C1QTNF3: variants seen among roughly 807,000 people sequenced by gnomAD.
C1QTNF3 encodes the protein complement C1q tumor necrosis factor-related protein 3.
Under a neutral mutation model 32.6 loss-of-function variants are expected in C1QTNF3, and 26 were observed. The observed-to-expected ratio is 0.80, with a 90% CI of 0.58 to 1.11. C1QTNF3 has a LOEUF of 1.11. Ranked by LOEUF, C1QTNF3 falls within the 50% of genes least tolerant of loss-of-function variation. The probability of loss-of-function intolerance (pLI) is 0.00; values close to 1 mark genes in which losing one functional copy is unlikely to be tolerated. For synonymous variants in C1QTNF3, 155 were observed against 146.0 expected (o/e 1.06, Z -0.44); for missense variants, 362 against 398.2 (o/e 0.91, Z 0.77).
chr5:34,147,330 G>A, the C1QTNF3 span, among the ~76,000 whole-genome samples: 4 of 152,146 alleles, frequency 2.6e-5, no homozygotes, highest in Non-Finnish European at 4.4e-5. Flanking sequence ...AGGAAACACA[G>A]ATCATTCTAC....
the C1QTNF3 span, among the ~76,000 whole-genome samples, chr5:34,203,397 T>C: frequency 6.6e-6 from 1 of 152,202 alleles, no homozygotes. Context: ...TATAGATTGA[T>C]AGATATTGGG....
the C1QTNF3 span, among the ~76,000 whole-genome samples, chr5:34,161,049 A>G: frequency 6.6e-6 from 1 of 152,208 alleles, no homozygotes; most frequent in Admixed American, 6.5e-5. Flanking sequence ...TCTGTCAGAC[A>G]AGGCCAATTC....
chr5:34,168,910 A>C, the C1QTNF3 span: 3 of 152,202 alleles, frequency 2.0e-5, no homozygotes, highest in Admixed American at 2.0e-4. Context: ...CCAATGCAAC[A>C]GTGGGAGGAG....
chr5:34,109,372 A>G, the C1QTNF3 span, among the ~76,000 whole-genome samples: 1 of 151,790 alleles, frequency 6.6e-6, no homozygotes, highest in African/African-American at 2.4e-5. Flanking sequence ...AAGGACAAAG[A>G]TCATGCATAG....
At chr5:34,208,611 G>C in the C1QTNF3 span, among the ~76,000 whole-genome samples, 1 of 151,596 alleles carries the variant, frequency 6.6e-6, no homozygotes, top group Non-Finnish European at 1.5e-5. Context: ...ATGTATTAAA[G>C]ACCTATAATT....
the C1QTNF3 span, among the ~76,000 whole-genome samples, chr5:34,129,646 C>A: frequency 4.0e-5 from 6 of 151,796 alleles, no homozygotes; most frequent in Non-Finnish European, 7.4e-5. Flanking sequence ...ATACAGATAC[C>A]TATAATATAT....
the C1QTNF3 span, among the ~76,000 whole-genome samples, chr5:34,239,751 CTG>C: frequency 1.3e-5 from 2 of 152,136 alleles, no homozygotes; most frequent in Non-Finnish European, 2.9e-5. Flanking sequence ...AAGAAAGAAA[CTG>C]TGTACTTAAA....
the C1QTNF3 span, among the ~76,000 whole-genome samples, chr5:34,115,592 G>A: frequency 6.6e-6 from 1 of 152,082 alleles, no homozygotes; most frequent in South Asian, 2.1e-4. Context: ...TTAGCTGGGC[G>A]TGGTGGCGAG....
the C1QTNF3 span, among the ~76,000 whole-genome samples, chr5:34,092,236 GT>G: frequency 5.8e-4 from 88 of 151,996 alleles, no homozygotes; most frequent in African/African-American, 2.1e-3. Flanking sequence ...AATATTTGAT[GT>G]AATGAGAGCA....
chr5:34,043,225 C>T (rs921603157), upstream of C1QTNF3: 3 of 1,289,404 alleles, frequency 2.3e-6, no homozygotes, highest in African/African-American at 1.5e-5. Flanking sequence ...AGAGCTGCAG[C>T]GGCGGAGTGG....
the C1QTNF3 span, among the ~76,000 whole-genome samples, chr5:34,061,414 C>T: frequency 6.6e-6 from 1 of 152,192 alleles, no homozygotes; most frequent in Non-Finnish European, 1.5e-5. Flanking sequence ...AAGCAGTGCC[C>T]CAGTAGGGAC....
chr5:34,073,355 G>A, the C1QTNF3 span, among the ~76,000 whole-genome samples: 1 of 151,896 alleles, frequency 6.6e-6, no homozygotes, highest in Non-Finnish European at 1.5e-5. Flanking sequence ...AATTGTATGT[G>A]TGTTAATGAA....
chr5:34,176,928 C>G, the C1QTNF3 span, among the ~76,000 whole-genome samples: 1 of 151,932 alleles, frequency 6.6e-6, no homozygotes, highest in African/African-American at 2.4e-5. Flanking sequence ...CATGGTAGCT[C>G]AGGTCTGTAA....
At chr5:34,022,068 G>C (rs570044926) in intron 5 of C1QTNF3, among the ~76,000 whole-genome samples, 3 of 152,322 alleles carry the variant, frequency 2.0e-5, no homozygotes, top group South Asian at 2.1e-4. Context: ...TGAGAGAAAG[G>C]CATGAAGACA....
In C1QTNF3 at chr5:34,033,290, C is replaced by G; in HGVS notation, c.570+14G>C. 2 of 1,612,878 alleles carry G rather than the reference C, an allele frequency of 1.2e-6. No homozygotes were observed. Among genetic ancestry groups the G allele is most frequent in the Non-Finnish European group, 1.7e-6 (2 of 1,179,682 alleles). The stretch of plus-strand genomic sequence containing the variant: ...GTTGGAAAGCCACCAGGAGATGTAC[C>G]GAGGATGGTTTACCTGAAGTTCTGG... On this transcript the variant is annotated intron_variant, in intron 3 of 5. Coordinates refer to ENST00000382065, the MANE Select transcript of C1QTNF3 (RefSeq NM_181435.6).
chr5:34,063,158 G>C, the C1QTNF3 span, among the ~76,000 whole-genome samples: 3 of 152,046 alleles, frequency 2.0e-5, no homozygotes, highest in Admixed American at 1.3e-4. Flanking sequence ...GTTTTAAATT[G>C]ATCCTGGATT....
At chr5:34,197,634 C>T in the C1QTNF3 span, among the ~76,000 whole-genome samples, 1 of 152,054 alleles carries the variant, frequency 6.6e-6, no homozygotes, top group Non-Finnish European at 1.5e-5. Context: ...GTGGTTCTGA[C>T]TCGAAGTCTC....
the C1QTNF3 span, among the ~76,000 whole-genome samples, chr5:34,107,781 C>T: frequency 6.6e-6 from 1 of 152,036 alleles, no homozygotes; most frequent in Non-Finnish European, 1.5e-5. Flanking sequence ...CAGTCAATTT[C>T]CTCCCAATAA....
At chr5:34,159,432 T>C in the C1QTNF3 span, among the ~76,000 whole-genome samples, 1 of 152,066 alleles carries the variant, frequency 6.6e-6, no homozygotes, top group Admixed American at 6.6e-5. Context: ...AAAATCATAA[T>C]GACCTCTAAA....
Sources: allele counts gnomAD v4.1 joint callset (sites outside exome capture counted in the v4.1 genomes callset), GRCh38; gene constraint gnomAD v4.1.1; transcripts MANE v1.5; gene names NCBI Gene and HGNC (gene_info 2026-07-23, HGNC 2026-07-21).